The following SLCO6A1 variants were observed in gnomAD, a reference collection of about 807,000 sequenced individuals.
The protein encoded by SLCO6A1 is solute carrier organic anion transporter family member 6A1, also known as cancer/testis antigen 48.
SLCO6A1 carries 65 observed loss-of-function variants against 72.7 expected under a neutral mutation model. The ratio of observed to expected loss-of-function variants is 0.89; its 90% CI spans 0.73 to 1.10. The LOEUF is 1.10. SLCO6A1 is among the 50% of genes least tolerant of loss of function. SLCO6A1 has a pLI of 0.00. For missense variants in SLCO6A1, 874 were observed against 872.6 expected (o/e 1.00, Z -0.02); for synonymous variants, 314 against 298.2 (o/e 1.05, Z -0.55).
intron 9 of SLCO6A1, among the ~76,000 whole-genome samples, chr5:102,406,862 G>A (rs549836878): frequency 7.2e-5 from 11 of 152,218 alleles, no homozygotes; most frequent in African/African-American, 2.6e-4. Context: ...GAAGATAGAT[G>A]AACAGAAACT....
intron 1 of SLCO6A1, among the ~76,000 whole-genome samples, chr5:102,489,217 C>T (rs1284899885): frequency 3.9e-5 from 6 of 152,200 alleles, no homozygotes; most frequent in Admixed American, 3.9e-4. Context: ...CAACCTCAGA[C>T]CTGCAAGGAT....
At chr5:102,475,964 A>C (rs1751876993) in intron 3 of SLCO6A1, among the ~76,000 whole-genome samples, 171 bp from the exon 4 acceptor site, 1 of 152,156 alleles carries the variant, frequency 6.6e-6, no homozygotes, top group Non-Finnish European at 1.5e-5. Flanking sequence ...CAGTAATGGA[A>C]AACCAAGTAT....
At chr5:102,440,431 T>A (rs757181141) in intron 6 of SLCO6A1, among the ~76,000 whole-genome samples, 2 of 152,182 alleles carry the variant, frequency 1.3e-5, no homozygotes, top group African/African-American at 2.4e-5. Flanking sequence ...TACCTGTTTA[T>A]CTGTCACTAT....
At chr5:102,413,230 A>G in intron 8 of SLCO6A1, 87 bp from the exon 9 acceptor site, 1 of 1,271,532 alleles carries the variant, frequency 7.9e-7, no homozygotes, top group Non-Finnish European at 1.1e-6. Context: ...GATCCATAAA[A>G]TATGCTTATT....
intron 1 of SLCO6A1, among the ~76,000 whole-genome samples, chr5:102,492,193 G>A (rs1349904709): frequency 2.0e-5 from 3 of 152,152 alleles, no homozygotes; most frequent in Non-Finnish European, 4.4e-5. Flanking sequence ...TAAGATTTGG[G>A]CAGGGACACA....
rs1414860085 is a variant in SLCO6A1 at position 102,427,874 on chromosome 5, T to A, written c.1277-7853A>T. On this transcript the variant is annotated intron_variant, in intron 7 of 13. Coordinates refer to ENST00000506729, the MANE Select transcript of SLCO6A1 (RefSeq NM_173488.5). ...TATATATATATATATATTTTTTTTT[T>A]TTTTTTTTTTTTTGAGACCGAGTCT... Among the ~76,000 whole-genome samples, 886 of 128,934 alleles carry A rather than the reference T, an allele frequency of 6.9e-3. 9 individuals carry two copies. Among genetic ancestry groups the A allele is most frequent in the African/African-American group, 0.026 (847 of 32,122 alleles). The allele number at this position is 128,934 out of a possible 152,430, so 84.6% of individuals were successfully genotyped here.
chr5:102,432,703 A>C (rs540303930), intron 7 of SLCO6A1, among the ~76,000 whole-genome samples: 32 of 152,160 alleles, frequency 2.1e-4, no homozygotes, highest in Admixed American at 1.9e-3. Flanking sequence ...GCTGCCTTTG[A>C]CATTGTTTTT....
intron 12 of SLCO6A1, 80 bp downstream of exon 12, chr5:102,388,608 A>G (rs917720689): frequency 9.3e-7 from 1 of 1,077,586 alleles, no homozygotes; most frequent in Non-Finnish European, 1.3e-6. Flanking sequence ...GTTTAAAATT[A>G]TAATTCTACA....
At chr5:102,434,773 G>A (rs1489951021) in intron 7 of SLCO6A1, among the ~76,000 whole-genome samples, 1 of 151,994 alleles carries the variant, frequency 6.6e-6, no homozygotes, top group East Asian at 1.9e-4. Context: ...TGTCAATCTG[G>A]CCATCAGCTT....
chr5:102,430,040 T>C (rs1749128276), intron 7 of SLCO6A1, among the ~76,000 whole-genome samples: 1 of 152,190 alleles, frequency 6.6e-6, no homozygotes, highest in Admixed American at 6.6e-5. Context: ...GCTGCATTCC[T>C]AGGTATTTAA....
chr5:102,422,134 A>T (rs1748642046), intron 7 of SLCO6A1, among the ~76,000 whole-genome samples: 1 of 152,224 alleles, frequency 6.6e-6, no homozygotes, highest in South Asian at 2.1e-4. Flanking sequence ...GGCATCAAAG[A>T]TCAAAGGTAG....
At chr5:102,390,178 A>G (rs1746675837) in intron 11 of SLCO6A1, among the ~76,000 whole-genome samples, 1 of 152,162 alleles carries the variant, frequency 6.6e-6, no homozygotes, top group Non-Finnish European at 1.5e-5. Flanking sequence ...TCTCCCATTC[A>G]AAAATACATC....
chr5:102,403,460 G>C (rs936687058), intron 9 of SLCO6A1, among the ~76,000 whole-genome samples: 1 of 152,064 alleles, frequency 6.6e-6, no homozygotes, highest in Admixed American at 6.6e-5. Flanking sequence ...TTATCTTAAA[G>C]TATTTGTTTT....
In SLCO6A1 at chr5:102,459,655, C is replaced by G; in HGVS notation, c.1021+1G>C. The G allele has an allele frequency of 6.3e-7, 1 of 1,578,414 alleles. No individual in the cohort carries two copies. The highest frequency in any genetic ancestry group is 8.6e-7 in the Non-Finnish European group (1 of 1,169,214). On this transcript the variant is annotated splice_donor_variant, in intron 5 of 13. Transcript: ENST00000506729. LOFTEE classifies it high-confidence loss of function. ...TTTAATAAATTACATTTTATAGTCA[C>G]CTGGCATATTGTTTGGAAAGCATGA...
At chr5:102,421,018 G>A (rs961363642) in intron 7 of SLCO6A1, among the ~76,000 whole-genome samples, 3 of 152,082 alleles carry the variant, frequency 2.0e-5, no homozygotes, top group African/African-American at 7.2e-5. Flanking sequence ...AGAAGGGGCT[G>A]GGGAACTCCC....
chr5:102,392,674 GAA>G (rs1746831121), intron 10 of SLCO6A1, among the ~76,000 whole-genome samples: 2 of 151,606 alleles, frequency 1.3e-5, no homozygotes, highest in African/African-American at 4.8e-5. Context: ...AGATTTTAAT[GAA>G]AAACTACTGT....
chr5:102,438,616 C>T lies in SLCO6A1; in HGVS notation c.1276+1G>A. On this transcript the variant is annotated splice_donor_variant, in intron 7 of 13. Coordinates refer to ENST00000506729, the MANE Select transcript of SLCO6A1 (RefSeq NM_173488.5). LOFTEE classifies it high-confidence loss of function. ...AAATGACAATAAGAAGGTAAATCTA[C>T]CTGCAAGTGTAGTTGCCACAGTGGG... 3 of 1,586,168 alleles carry T rather than the reference C, an allele frequency of 1.9e-6. No homozygotes were observed. The South Asian group carries it at 3.6e-5, about 19-fold the overall frequency.
intron 9 of SLCO6A1, among the ~76,000 whole-genome samples, chr5:102,400,157 C>T (rs940526426): frequency 6.6e-6 from 1 of 151,776 alleles, no homozygotes; most frequent in Admixed American, 6.6e-5. Context: ...TGAAACCATA[C>T]TAAAAAGACT....
intron 1 of SLCO6A1, among the ~76,000 whole-genome samples, chr5:102,489,021 T>C (rs767349534): frequency 2.0e-5 from 3 of 152,156 alleles, no homozygotes; most frequent in Admixed American, 1.3e-4. Context: ...ATAGAAAGCA[T>C]AGAAGCATAA....
Sources: allele counts gnomAD v4.1 joint callset (sites outside exome capture counted in the v4.1 genomes callset), GRCh38; gene constraint gnomAD v4.1.1; transcripts MANE v1.5; gene names NCBI Gene and HGNC (gene_info 2026-07-23, HGNC 2026-07-21).